Variants in KDM5B observed in about 807,000 individuals in gnomAD.
The protein encoded by KDM5B is lysine demethylase 5B.
In KDM5B, 144 loss-of-function variants were observed where a neutral mutation model predicts 193.4. The observed-to-expected ratio is 0.74, with a 90% CI of 0.65 to 0.86. KDM5B has a LOEUF of 0.86. Ranked by LOEUF, KDM5B falls within the 40% of genes least tolerant of loss-of-function variation. The pLI, the probability that KDM5B is intolerant of heterozygous loss-of-function variation, is 0.00. For missense variants in KDM5B, 1,833 were observed against 1,886.9 expected (o/e 0.97, Z 0.53); for synonymous variants, 668 against 682.6 (o/e 0.98, Z 0.33).
intron 24 of KDM5B, among the ~76,000 whole-genome samples, 198 bp from the exon 25 acceptor site, chr1:202,731,261 T>G (rs77909370): frequency 0.078 from 11,934 of 152,298 alleles, 558 homozygotes; most frequent in African/African-American, 0.12. Context: ...AAAACTAGAT[T>G]TCCTAAGTCT....
At chr1:202,731,564 C>CT (rs1654884211) in intron 24 of KDM5B, among the ~76,000 whole-genome samples, 1 of 152,208 alleles carries the variant, frequency 6.6e-6, no homozygotes, top group East Asian at 1.9e-4. Flanking sequence ...TAGCATCTGA[C>CT]TTAAAAGCTT....
At chr1:202,759,368 T>C (rs781713560) in intron 8 of KDM5B, among the ~76,000 whole-genome samples, 1 of 151,926 alleles carries the variant, frequency 6.6e-6, no homozygotes, top group Non-Finnish European at 1.5e-5. Flanking sequence ...GGCAAAACCC[T>C]GTCTCTACTA....
At chr1:202,773,400 T>A in intron 3 of KDM5B, 112 bp from the exon 4 acceptor site, 1 of 812,010 alleles carries the variant, frequency 1.2e-6, no homozygotes. Context: ...TAAAAACATG[T>A]TTTGCCAATC....
Position 202,741,686 on chromosome 1 carries a change from T to A in KDM5B, c.2626A>T (p.Ser876Cys), listed in dbSNP as rs1348987016. 1.2e-6 allele frequency: 2 copies of A among 1,611,774 alleles called. No homozygotes were observed. The highest frequency in any genetic ancestry group is 1.7e-6 in the Non-Finnish European group (2 of 1,178,628). Residue 876 changes from serine to cysteine, a missense_variant, in exon 19 of 27, where the codon AGT becomes TGT. Transcript: ENST00000367265. ...LNRVEDFQQH[S>C]QKLLSEETPS... ...GTTTCCTCAGAGAGTAGTTTCTGAC[T>A]ATGCTGTTGAAAATCTTCTACACGA...
At chr1:202,730,759 T>C in intron 25 of KDM5B, 150 bp downstream of exon 25, 1 of 651,678 alleles carries the variant, frequency 1.5e-6, no homozygotes, top group Non-Finnish European at 2.5e-6. Flanking sequence ...TTAAGGAGTA[T>C]CCTTCAACTA....
In KDM5B at chr1:202,752,975, G is replaced by C. The variant is rs774501057; in HGVS notation, c.1631C>G (p.Ser544Cys). ...AAGCTGATGGAGGAGATCCGGCTGGGACACAAAGAGTTCTGGAGCTAGTTT... is the reference window on the plus strand; with the variant it reads ...AAGCTGATGGAGGAGATCCGGCTGGCACACAAAGAGTTCTGGAGCTAGTTT... ...MKKLAPELFV[S>C]QPDLLHQLVT... The change falls in exon 12 of 27, where the codon TCC becomes TGC. Residue 544 changes from serine (S) to cysteine (C), a missense_variant. By Grantham distance (112) the Ser-to-Cys change is moderately radical (BLOSUM62 -1). Coordinates refer to ENST00000367265, the MANE Select transcript of KDM5B (RefSeq NM_006618.5). 3 of 1,614,030 alleles carry C rather than the reference G, an allele frequency of 1.9e-6. No homozygotes were observed. Among genetic ancestry groups the C allele is most frequent in the Admixed American group, 3.3e-5 (2 of 60,004 alleles).
rs369124594 is a variant in KDM5B, at chr1:202,733,910, G to T, written c.3424-24C>A. On this transcript the variant is annotated intron_variant, in intron 22 of 26. Coordinates refer to ENST00000367265, the MANE Select transcript of KDM5B (RefSeq NM_006618.5). ...ATCTGAAAAAGAGTTAACAATCAAG[G>T]ATGATGTCCGAGATGGCTTGGCCTT... 15 of 1,585,834 alleles carry T rather than the reference G, an allele frequency of 9.5e-6. No homozygotes were observed. The African/African-American group carries it at 1.5e-4, about 16-fold the overall frequency.
In KDM5B at chr1:202,802,727, C is replaced by T. The variant is rs1658126614; in HGVS notation, c.204+5375G>A. On this transcript the variant is annotated intron_variant, in intron 1 of 26. Coordinates refer to ENST00000367265, the MANE Select transcript of KDM5B (RefSeq NM_006618.5). ...TTTTACCCAAGAGAAAATTCCCCCA[C>T]TGGCAGATTTCTACCCACTTATAAA... 2.6e-5 allele frequency among the ~76,000 whole-genome samples: 4 copies of T among 152,256 alleles called. No individual in the cohort carries two copies. In the South Asian group the frequency reaches 8.3e-4, roughly 32 times the overall value.
intron 22 of KDM5B, among the ~76,000 whole-genome samples, 179 bp from the exon 23 acceptor site, chr1:202,734,065 C>T (rs1267200003): frequency 6.6e-6 from 1 of 152,056 alleles, no homozygotes; most frequent in Non-Finnish European, 1.5e-5. Flanking sequence ...GGCTAAATTT[C>T]TGCATGTGTA....
chr1:202,805,967 TC>T (rs1381024115), intron 1 of KDM5B, among the ~76,000 whole-genome samples: 1 of 152,196 alleles, frequency 6.6e-6, no homozygotes, highest in Non-Finnish European at 1.5e-5. Context: ...TATTGGTGCC[TC>T]TTTAACCCCT....
At chr1:202,752,799 T>C in intron 12 of KDM5B, 106 bp downstream of exon 12, 1 of 1,075,258 alleles carries the variant, frequency 9.3e-7, no homozygotes, top group Admixed American at 2.2e-5. Context: ...CAAGTCATGC[T>C]ATGGAAAACA....
At chr1:202,733,955 T>TA in intron 22 of KDM5B, 69 bp from the exon 23 acceptor site, 1 of 1,529,094 alleles carries the variant, frequency 6.5e-7, no homozygotes, top group Non-Finnish European at 8.8e-7. Flanking sequence ...CTCAGAGTCC[T>TA]AGTGGTTAAG....
intron 14 of KDM5B, among the ~76,000 whole-genome samples, chr1:202,747,028 C>T (rs1335358058): frequency 6.6e-6 from 1 of 152,192 alleles, no homozygotes; most frequent in Non-Finnish European, 1.5e-5. Flanking sequence ...AAAGACCAAA[C>T]TTCTATCACC....
chr1:202,745,785 G>A (rs909194015), intron 16 of KDM5B, 73 bp downstream of exon 16: 25 of 1,547,958 alleles, frequency 1.6e-5, no homozygotes, highest in Admixed American at 3.3e-5. Flanking sequence ...GAAATGTTTT[G>A]TTGACTTTAA....
rs1655059579 is a variant in KDM5B, at chr1:202,735,553, C to T, written c.3299G>A (p.Gly1100Glu). The T allele has an allele frequency of 1.2e-6, 2 of 1,613,782 alleles. No homozygotes were observed. Among genetic ancestry groups the T allele is most frequent in the Non-Finnish European group, 1.7e-6 (2 of 1,179,850 alleles). Residue 1100 changes from glycine to glutamate, a missense_variant, in exon 22 of 27, where the codon GGA (glycine) becomes GAA (glutamate). By Grantham distance (98) the Gly-to-Glu change is moderately conservative (BLOSUM62 -2). Transcript: ENST00000367265. The stretch of plus-strand genomic sequence containing the variant: ...TAACTTTCTCTGCTTCCTTTTCAAT[C>T]CCAAAAGGCCAATATCACATCGAGG... The part of the protein sequence containing the change: ...LCPRCDIGLL[G>E]LKRKQRKLKE...
Position 202,733,581 on chromosome 1 carries a change from T to C in KDM5B, c.3729A>G (p.Arg1243=), listed in dbSNP as rs777829838. ...GTGCATCTCCCTCAGGAAGGCGAAC[T>C]CGGATACGCTGAAGGGAGGCGAGCA... ...LPLLASLQRI[R]VRLPEGDALR... Residue 1243 remains arginine, a synonymous_variant, in exon 23 of 27, where the codon CGA becomes CGG. Transcript: ENST00000367265. The C allele has an allele frequency of 6.8e-6, 11 of 1,614,126 alleles. No homozygotes were observed. The highest frequency in any genetic ancestry group is 9.3e-6 in the Non-Finnish European group (11 of 1,180,016).
At chr1:202,801,202 C>G (rs968387878) in intron 1 of KDM5B, among the ~76,000 whole-genome samples, 2 of 152,024 alleles carry the variant, frequency 1.3e-5, no homozygotes, top group African/African-American at 2.4e-5. Context: ...AATTTACTCC[C>G]TGAAGTGACG....
At chr1:202,782,796 A>G (rs1445938195) in intron 1 of KDM5B, among the ~76,000 whole-genome samples, 1 of 152,230 alleles carries the variant, frequency 6.6e-6, no homozygotes, top group African/African-American at 2.4e-5. Flanking sequence ...ACTAGATGTA[A>G]TAAGAATTTG....
chr1:202,754,446 C>G (rs1401898922), intron 11 of KDM5B, among the ~76,000 whole-genome samples: 1 of 152,110 alleles, frequency 6.6e-6, no homozygotes, highest in African/African-American at 2.4e-5. Context: ...CTGCACATCC[C>G]TCCCGCCTTG....
Sources: allele counts gnomAD v4.1 joint callset (sites outside exome capture counted in the v4.1 genomes callset), GRCh38; gene constraint gnomAD v4.1.1; transcripts MANE v1.5; gene names NCBI Gene and HGNC (gene_info 2026-07-23, HGNC 2026-07-21).